The following FBXL7 variants were observed in gnomAD, a reference collection of about 807,000 sequenced individuals.
The protein encoded by FBXL7 is F-box/LRR-repeat protein 7.
A neutral mutation model predicts 38.3 loss-of-function variants in FBXL7; 12 were observed. That is an observed-to-expected ratio of 0.31 (90% CI 0.20 to 0.51). The LOEUF is 0.51. FBXL7 is among the 20% of genes least tolerant of loss of function. The pLI is 0.98. For missense variants in FBXL7, 567 were observed against 676.4 expected (o/e 0.84, Z 1.79); for synonymous variants, 297 against 300.9 (o/e 0.99, Z 0.13).
intron 2 of FBXL7, among the ~76,000 whole-genome samples, chr5:15,857,794 T>A (rs1287136198): frequency 6.6e-6 from 1 of 152,206 alleles, no homozygotes. Context: ...TTTCCTCCAA[T>A]AAAGTTAGGT....
intron 2 of FBXL7, among the ~76,000 whole-genome samples, chr5:15,920,462 C>T (rs1741710190): frequency 1.3e-5 from 2 of 152,100 alleles, no homozygotes; most frequent in African/African-American, 2.4e-5. Flanking sequence ...GCTGTATATT[C>T]CTTGCCATCT....
chr5:15,918,488 T>C (rs1316826398), intron 2 of FBXL7, among the ~76,000 whole-genome samples: 1 of 152,224 alleles, frequency 6.6e-6, no homozygotes, highest in Admixed American at 6.5e-5. Flanking sequence ...ATTGATATAC[T>C]TATGGATTTT....
intron 2 of FBXL7, among the ~76,000 whole-genome samples, chr5:15,925,764 T>C (rs1156430739): frequency 6.6e-6 from 1 of 152,244 alleles, no homozygotes; most frequent in African/African-American, 2.4e-5. Context: ...TGTGTGGATA[T>C]GTATGTGTAG....
At chr5:15,753,636 C>T (rs1736212438) in intron 2 of FBXL7, among the ~76,000 whole-genome samples, 1 of 152,048 alleles carries the variant, frequency 6.6e-6, no homozygotes, top group Non-Finnish European at 1.5e-5. Context: ...AGTATAAATT[C>T]ATTACTTGTC....
At chr5:15,923,637 A>G (rs1187185752) in intron 2 of FBXL7, among the ~76,000 whole-genome samples, 1 of 152,146 alleles carries the variant, frequency 6.6e-6, no homozygotes, top group African/African-American at 2.4e-5. Context: ...GTCATGCTTT[A>G]TAATCTTTTT....
rs759634415 is a variant in FBXL7, at chr5:15,556,672, T to G, written c.37+55959T>G. ...TCAGAACAGAATTAATACTTTATAT[T>G]TAATTCAATCAATTTTTAGACTCCT... is the stretch of plus-strand genomic sequence containing the variant. On this transcript the variant is annotated intron_variant, in intron 1 of 3. Coordinates refer to ENST00000504595, the MANE Select transcript of FBXL7 (RefSeq NM_012304.5). Among the ~76,000 whole-genome samples the G allele has an allele frequency of 3.5e-4, 53 of 152,192 alleles. 2 individuals are homozygous for G. Among genetic ancestry groups the G allele is most frequent in the Non-Finnish European group, 7.5e-4 (51 of 68,042 alleles).
intron 2 of FBXL7, among the ~76,000 whole-genome samples, chr5:15,664,183 C>A (rs7719014): frequency 0.47 from 71,136 of 151,866 alleles, 17,292 homozygotes; most frequent in African/African-American, 0.6. Flanking sequence ...AGCTTACCAC[C>A]ATCTACTTTC....
intron 2 of FBXL7, among the ~76,000 whole-genome samples, chr5:15,691,455 G>A (rs1426946967): frequency 6.6e-6 from 1 of 152,170 alleles, no homozygotes; most frequent in Non-Finnish European, 1.5e-5. Context: ...CCGTCATTTG[G>A]CTCTTTCTCC....
At chr5:15,563,917 G>C (rs1232959223) in intron 1 of FBXL7, among the ~76,000 whole-genome samples, 1 of 152,084 alleles carries the variant, frequency 6.6e-6, no homozygotes, top group African/African-American at 2.4e-5. Context: ...AAAAAAAATG[G>C]GTGCTTATAT....
intron 2 of FBXL7, among the ~76,000 whole-genome samples, chr5:15,789,455 C>G (rs1170768282): frequency 2.6e-5 from 4 of 152,156 alleles, no homozygotes; most frequent in Admixed American, 6.5e-5. Flanking sequence ...GCAACCCCAT[C>G]CTCTTCTCCA....
chr5:15,783,499 A>G (rs1737053559), intron 2 of FBXL7, among the ~76,000 whole-genome samples: 3 of 152,180 alleles, frequency 2.0e-5, no homozygotes, highest in Admixed American at 2.0e-4. Flanking sequence ...GACAGCAATG[A>G]GGAGGAGAGA....
At chr5:15,522,060 C>T (rs564687241) in intron 1 of FBXL7, among the ~76,000 whole-genome samples, 214 of 152,274 alleles carry the variant, frequency 1.4e-3, no homozygotes, top group Non-Finnish European at 2.5e-3. Context: ...AAATTTTATA[C>T]GTGTCTATGT....
intron 1 of FBXL7, among the ~76,000 whole-genome samples, chr5:15,563,050 A>G (rs573099759): frequency 6.6e-6 from 1 of 152,190 alleles, no homozygotes; most frequent in Non-Finnish European, 1.5e-5. Flanking sequence ...GCTGATAGAC[A>G]CTTAGTTGTT....
intron 1 of FBXL7, among the ~76,000 whole-genome samples, chr5:15,559,978 A>T (rs564544589): frequency 6.6e-6 from 1 of 152,230 alleles, no homozygotes. Context: ...CCTGGCACCT[A>T]CACTTACGGC....
intron 2 of FBXL7, among the ~76,000 whole-genome samples, chr5:15,643,644 G>A (rs1292364926): frequency 6.6e-6 from 1 of 152,194 alleles, no homozygotes; most frequent in Non-Finnish European, 1.5e-5. Context: ...AGCAAGAATT[G>A]AAGGCTGTGC....
intron 1 of FBXL7, among the ~76,000 whole-genome samples, chr5:15,557,976 C>G (rs1174013484): frequency 2.6e-5 from 4 of 152,084 alleles, no homozygotes; most frequent in Admixed American, 1.3e-4. Context: ...AAAGTAGATC[C>G]AAGTTGCCAG....
At chr5:15,599,577 A>G (rs1739732337) in intron 1 of FBXL7, among the ~76,000 whole-genome samples, 1 of 152,160 alleles carries the variant, frequency 6.6e-6, no homozygotes, top group African/African-American at 2.4e-5. Context: ...GAAGTGAAGA[A>G]TGTGAGTGTG....
intron 2 of FBXL7, among the ~76,000 whole-genome samples, chr5:15,887,832 G>A (rs1259481521): frequency 1.3e-5 from 2 of 152,184 alleles, no homozygotes; most frequent in East Asian, 3.9e-4. Flanking sequence ...CATATGTGTT[G>A]TTTCCAGTAG....
At chr5:15,746,881 G>A (rs1736030162) in intron 2 of FBXL7, among the ~76,000 whole-genome samples, 1 of 151,858 alleles carries the variant, frequency 6.6e-6, no homozygotes, top group African/African-American at 2.4e-5. Context: ...AAATACGAGT[G>A]CCACTTTTTT....
Sources: allele counts gnomAD v4.1 joint callset (sites outside exome capture counted in the v4.1 genomes callset), GRCh38; gene constraint gnomAD v4.1.1; transcripts MANE v1.5; gene names NCBI Gene and HGNC (gene_info 2026-07-23, HGNC 2026-07-21).